Variants in TK2 observed in about 807,000 individuals in gnomAD.
TK2 encodes the protein thymidine kinase 2, also known as thymidine kinase 2, mitochondrial.
In TK2, 35 loss-of-function variants were observed where a neutral mutation model predicts 41.9. That is an observed-to-expected ratio of 0.84 (90% CI 0.64 to 1.11). The LOEUF is 1.11. TK2 is among the 50% of genes least tolerant of loss of function. The pLI, the probability that TK2 is intolerant of heterozygous loss-of-function variation, is 0.00. For missense variants in TK2, 320 were observed against 351.1 expected, an observed-to-expected ratio of 0.91 and a Z score of 0.71; for synonymous variants, 128 against 129.1, an observed-to-expected ratio of 0.99 and a Z score of 0.06.
intron 2 of TK2, among the ~76,000 whole-genome samples, chr16:66,544,670 T>G (rs1462231706): frequency 6.6e-6 from 1 of 152,256 alleles, no homozygotes; most frequent in Non-Finnish European, 1.5e-5. Flanking sequence ...TCCTCTGCTA[T>G]GAGCCCTTGA....
chr16:66,528,225 C>T (rs974506625), intron 6 of TK2, among the ~76,000 whole-genome samples: 3 of 152,098 alleles, frequency 2.0e-5, no homozygotes, highest in African/African-American at 7.2e-5. Context: ...ATCCCAAGCT[C>T]GCGGCAGGGA....
At chr16:66,532,933 G>A (rs1235373667) in intron 4 of TK2, among the ~76,000 whole-genome samples, 1 of 151,792 alleles carries the variant, frequency 6.6e-6, no homozygotes, top group Non-Finnish European at 1.5e-5. Context: ...GCAATCCTGA[G>A]CAAAAAAAAC....
intron 9 of TK2, among the ~76,000 whole-genome samples, chr16:66,512,930 C>A (rs1597073100): frequency 6.6e-6 from 1 of 152,204 alleles, no homozygotes; most frequent in African/African-American, 2.4e-5. Flanking sequence ...TGCCTCACAT[C>A]CCATCAAACA....
At chr16:66,538,071 G>A (rs938044425) in intron 3 of TK2, among the ~76,000 whole-genome samples, 1 of 152,118 alleles carries the variant, frequency 6.6e-6, no homozygotes, top group Non-Finnish European at 1.5e-5. Flanking sequence ...GCTGAGGCAG[G>A]AGAATCACTT....
At position 66,511,955 on chromosome 16, in the gene TK2, G is replaced by C. The variant is rs780766027; in HGVS notation, c.*13C>G. The stretch of plus-strand genomic sequence containing the variant: ...AGGCATTTTTCAGACATGAGCCATA[G>C]ACCTTTTGCCTCCTATGGGCAATGC... On this transcript the variant is annotated 3_prime_UTR_variant, in exon 10 of 10. Transcript: ENST00000544898. 1 of 1,612,588 alleles carries C rather than the reference G, an allele frequency of 6.2e-7. No homozygotes were observed. Among genetic ancestry groups the C allele is most frequent in the African/African-American group, 1.3e-5 (1 of 75,016 alleles).
intron 2 of TK2, among the ~76,000 whole-genome samples, chr16:66,542,698 A>G (rs1001600151): frequency 2.6e-5 from 4 of 152,182 alleles, no homozygotes; most frequent in African/African-American, 4.8e-5. Flanking sequence ...CCTATACCAA[A>G]GACCAAGGAG....
Position 66,549,791 on chromosome 16 carries a change from G to A in TK2, c.124+147C>T, listed in dbSNP as rs928017336. The A allele has an allele frequency of 1.0e-5, 13 of 1,285,042 alleles. No homozygotes were observed. The African/African-American group carries it at 2.0e-4, about 20-fold the overall frequency. 79.6% of individuals were successfully genotyped at this position (1,285,042 alleles called of 1,614,324 possible). ...GTCTCGCGCCCGGGTAACGGCCGAT[G>A]GCCGCCCCCGTCCCAGCCGCAGCCG... On this transcript the variant is annotated intron_variant, in intron 1 of 9. Coordinates refer to ENST00000544898, the MANE Select transcript of TK2 (RefSeq NM_004614.5).
chr16:66,549,900 T>C lies in TK2; in HGVS notation c.124+38A>G, dbSNP rs779921012. ...GAGGGGCCGGGAGTAGGTGGGCGCA[T>C]AGGGGCTCCTGGGAGGCGGGACCAA... On this transcript the variant is annotated intron_variant, in intron 1 of 9. Coordinates refer to ENST00000544898, the MANE Select transcript of TK2 (RefSeq NM_004614.5). The C allele has an allele frequency of 2.2e-5, 30 of 1,335,534 alleles. No homozygotes were observed. In the South Asian group the frequency reaches 2.6e-4, roughly 12 times the overall value. 82.7% of individuals were successfully genotyped at this position (1,335,534 alleles called of 1,614,324 possible).
intron 6 of TK2, 80 bp downstream of exon 6, chr16:66,528,914 G>T: frequency 7.3e-7 from 1 of 1,372,786 alleles, no homozygotes. Context: ...CTCCATATCT[G>T]TCAATCGAAT....
intron 6 of TK2, among the ~76,000 whole-genome samples, chr16:66,524,626 C>T (rs1211212816): frequency 6.6e-6 from 1 of 152,202 alleles, no homozygotes; most frequent in Admixed American, 6.5e-5. Context: ...GTATAAGCCA[C>T]TACACCCGGC....
At position 66,517,299 on chromosome 16, in the gene TK2, G is replaced by A; in HGVS notation, c.539-84C>T. ...GGCACACAGGCAAAGGCGGGAGGAA[G>A]GTCTGCACAGCTCGAGCAGGAAGCA... On this transcript the variant is annotated intron_variant, in intron 7 of 9. Transcript: ENST00000544898. This position sits in a 1 kb window ranked among gnomAD's most constrained non-coding sequence, Gnocchi z 4.3. 2.6e-6 allele frequency: 3 copies of A among 1,153,048 alleles called. No individual in the cohort carries two copies. The highest frequency in any genetic ancestry group is 3.9e-6 in the Non-Finnish European group (3 of 760,468). The allele number at this position is 1,153,048 out of a possible 1,614,324, so 71.4% of individuals were successfully genotyped here. A position where few individuals can be genotyped will look rare whatever the true frequency, so the allele number is the denominator to read the frequency against.
chr16:66,533,130 C>T (rs998717179), intron 4 of TK2, among the ~76,000 whole-genome samples: 1 of 146,128 alleles, frequency 6.8e-6, no homozygotes, highest in African/African-American at 2.5e-5. Flanking sequence ...AGTGCAGTGG[C>T]ATGATCTCAG....
intron 6 of TK2, among the ~76,000 whole-genome samples, chr16:66,523,868 A>C (rs755766620): frequency 3.3e-5 from 5 of 152,112 alleles, no homozygotes; most frequent in Non-Finnish European, 5.9e-5. Context: ...AAAACCCCAC[A>C]TCTACTTTCT....
chr16:66,530,781 G>A (rs1177492633), intron 5 of TK2, among the ~76,000 whole-genome samples: 1 of 150,558 alleles, frequency 6.6e-6, no homozygotes, highest in Admixed American at 6.6e-5. Flanking sequence ...GCAGTGGTAT[G>A]ATCTCAGCTC....
intron 2 of TK2, chr16:66,546,693 T>C (rs1202868871): frequency 3.3e-5 from 5 of 152,144 alleles, no homozygotes. Context: ...TGGTTTTTAA[T>C]GGCTTTACAT....
chr16:66,545,043 G>C (rs563133599), intron 2 of TK2, among the ~76,000 whole-genome samples: 2 of 144,962 alleles, frequency 1.4e-5, no homozygotes, highest in Non-Finnish European at 3.0e-5. Flanking sequence ...GTGGTGAGCC[G>C]AGATCACACC....
intron 6 of TK2, among the ~76,000 whole-genome samples, chr16:66,518,471 A>G (rs1451461171): frequency 2.0e-5 from 3 of 152,216 alleles, no homozygotes; most frequent in Admixed American, 2.0e-4. Flanking sequence ...TTAAGGCTGT[A>G]GTGGGTCATG....
At chr16:66,530,607 AG>A (rs1365708222) in intron 5 of TK2, among the ~76,000 whole-genome samples, 1 of 152,226 alleles carries the variant, frequency 6.6e-6, no homozygotes, top group Non-Finnish European at 1.5e-5. Flanking sequence ...AAACAAACAA[AG>A]CATGCATTCG....
Position 66,517,394 on chromosome 16 carries a change from C to A in TK2, c.539-179G>T. The stretch of plus-strand genomic sequence containing the variant: ...TTTCATTCTCTTTCAGTGTCAGCGG[C>A]CCCGTGGGGTCGTTTTGAGGCTGAA... On this transcript the variant is annotated intron_variant, in intron 7 of 9. Coordinates refer to ENST00000544898, the MANE Select transcript of TK2 (RefSeq NM_004614.5). The surrounding 1 kb of genome is among the most constrained non-coding windows in gnomAD (Gnocchi z 4.3). 1 of 695,748 alleles carries A rather than the reference C, an allele frequency of 1.4e-6. No individual in the cohort carries two copies. The highest frequency in any genetic ancestry group is 2.6e-6 in the Non-Finnish European group (1 of 384,732). 43.1% of individuals were successfully genotyped at this position (695,748 alleles called of 1,614,324 possible). A position where few individuals can be genotyped will look rare whatever the true frequency, so the allele number is the denominator to read the frequency against.
Sources: gnomAD v4.1 joint callset for allele counts (sites outside exome capture counted in the v4.1 genomes callset) on GRCh38, gnomAD v4.1.1 for gene constraint, Gnocchi (gnomAD v3.1) non-coding constraint, MANE v1.5 for transcripts, NCBI Gene and HGNC (gene_info 2026-07-23, HGNC 2026-07-21) for gene names.